Variants in CACNA1C observed in about 807,000 individuals in gnomAD.
CACNA1C encodes calcium voltage-gated channel subunit alpha1 C, also known as voltage-dependent L-type calcium channel subunit alpha-1C.
A neutral mutation model predicts 229.0 loss-of-function variants in CACNA1C; 30 were observed. That is an observed-to-expected ratio of 0.13 (90% CI 0.10 to 0.18). The LOEUF is 0.18. Among genes scored for constraint, CACNA1C ranks in the 10% least tolerant of loss-of-function variants. The pLI is 1.00. For synonymous variants in CACNA1C, 1,114 were observed against 1,132.5 expected, an observed-to-expected ratio of 0.98 and a Z score of 0.33; for missense variants, 1,658 against 2,845.0, an observed-to-expected ratio of 0.58 and a Z score of 9.49.
chr12:2,585,823 G>A lies in CACNA1C; in HGVS notation c.2461-12G>A, dbSNP rs776623260. ...TAACTATTCTTCCCCCTTCTCCCCT[G>A]TGACTGTCTAGATCAACATGGATGA... On this transcript the variant is annotated splice_polypyrimidine_tract_variant and intron_variant, in intron 17 of 46. Transcript: ENST00000399655. This position sits in a 1 kb window ranked among gnomAD's most constrained non-coding sequence, Gnocchi z 4.1. 2.5e-6 allele frequency: 4 copies of A among 1,598,516 alleles called. No homozygotes were observed. The highest frequency in any genetic ancestry group is 3.4e-6 in the Non-Finnish European group (4 of 1,168,766).
At chr12:2,452,389 T>A (rs2099387060) in intron 4 of CACNA1C, among the ~76,000 whole-genome samples, 1 of 152,126 alleles carries the variant, frequency 6.6e-6, no homozygotes, top group Non-Finnish European at 1.5e-5. Flanking sequence ...CGCCAGCCAG[T>A]GAGGCTTTGT....
intron 11 of CACNA1C, among the ~76,000 whole-genome samples, chr12:2,561,628 G>A (rs916945829): frequency 1.2e-4 from 19 of 152,208 alleles, no homozygotes; most frequent in Admixed American, 6.5e-5. Context: ...TGGAGTTTCC[G>A]GTAGCTGGGA....
chr12:2,588,167 G>C (rs997564938), intron 18 of CACNA1C, among the ~76,000 whole-genome samples: 1 of 152,208 alleles, frequency 6.6e-6, no homozygotes, highest in Non-Finnish European at 1.5e-5. Context: ...TGTTGTCTCT[G>C]TTCTGGTCAA....
chr12:2,061,029 TA>T (rs1333702448), intron 1 of CACNA1C, among the ~76,000 whole-genome samples: 1 of 152,126 alleles, frequency 6.6e-6, no homozygotes, highest in Non-Finnish European at 1.5e-5. Flanking sequence ...AGTAAATAGC[TA>T]AAGAATAAAT....
At chr12:2,347,265 G>A (rs1285636391) in intron 3 of CACNA1C, among the ~76,000 whole-genome samples, 1 of 152,198 alleles carries the variant, frequency 6.6e-6, no homozygotes, top group African/African-American at 2.4e-5. Context: ...TGTCAGTGAG[G>A]AATGAACTAA....
At chr12:2,326,464 A>G (rs949684362) in intron 3 of CACNA1C, among the ~76,000 whole-genome samples, 7 of 152,230 alleles carry the variant, frequency 4.6e-5, no homozygotes, top group Non-Finnish European at 8.8e-5. Context: ...CAGAACCTTC[A>G]GCTGGGCCCT....
chr12:2,621,309 C>T (rs2083117445), intron 29 of CACNA1C, among the ~76,000 whole-genome samples: 1 of 152,058 alleles, frequency 6.6e-6, no homozygotes, highest in Admixed American at 6.5e-5. Flanking sequence ...CAGGAAGGCA[C>T]CATTTCTGCT....
At chr12:2,252,392 C>T (rs556984277) in intron 3 of CACNA1C, among the ~76,000 whole-genome samples, 23 of 152,266 alleles carry the variant, frequency 1.5e-4, no homozygotes, top group African/African-American at 4.8e-4. Flanking sequence ...AGCTCTGATA[C>T]GATACACAAA....
chr12:2,030,271 C>A (rs1347386065), intron 1 of CACNA1C, among the ~76,000 whole-genome samples: 1 of 152,136 alleles, frequency 6.6e-6, no homozygotes, highest in African/African-American at 2.4e-5. Context: ...CTTTTTTAAG[C>A]TTGGATCCAA....
chr12:2,102,040 C>T (rs2076612384), intron 1 of CACNA1C, among the ~76,000 whole-genome samples: 1 of 152,210 alleles, frequency 6.6e-6, no homozygotes, highest in Non-Finnish European at 1.5e-5. Flanking sequence ...CTCCAGGCTG[C>T]CCTGGGCTCT....
Position 2,106,781 on chromosome 12 carries a change from G to A in CACNA1C, c.50-8443G>A, listed in dbSNP as rs374255706. On this transcript the variant is annotated intron_variant, in intron 1 of 46. Coordinates refer to ENST00000399655, the MANE Select transcript of CACNA1C (RefSeq NM_000719.7). ...GAGAGGGTTTCCACCTCAGCTGGGCGTCCTGAAGCCACTGGGTGCTCACCC... is the reference window on the plus strand; with the variant it reads ...GAGAGGGTTTCCACCTCAGCTGGGCATCCTGAAGCCACTGGGTGCTCACCC... 3.3e-3 allele frequency among the ~76,000 whole-genome samples: 359 copies of A among 110,422 alleles called. 9 individuals carry two copies. The highest frequency in any genetic ancestry group is 0.013 in the African/African-American group (324 of 25,394). 72.4% of individuals were successfully genotyped at this position (110,422 alleles called of 152,430 possible). A position where few individuals can be genotyped will look rare whatever the true frequency, so the allele number is the denominator to read the frequency against.
intron 13 of CACNA1C, among the ~76,000 whole-genome samples, chr12:2,580,281 C>T (rs540655033): frequency 3.9e-4 from 59 of 152,204 alleles, no homozygotes; most frequent in Non-Finnish European, 6.9e-4. Flanking sequence ...GCCCTCGAGG[C>T]TGCAGGTTGG....
In CACNA1C at chr12:1,980,460, C is replaced by T. The variant is rs1160854389; in HGVS notation, c.139+9259C>T. ...GTTGTTAATTTCTAAGTGTTATTTA[C>T]ATATTCTCAATATAGTGCTGAGTCA... On this transcript the variant is annotated intron_variant, in intron 1 of 46. Transcript: ENST00000682462. 2.0e-5 allele frequency among the ~76,000 whole-genome samples: 3 copies of T among 152,014 alleles called. No individual in the cohort carries two copies. In the East Asian group the frequency reaches 5.8e-4, roughly 29 times the overall value.
intron 9 of CACNA1C, among the ~76,000 whole-genome samples, chr12:2,535,259 G>T (rs1044391184): frequency 3.9e-5 from 6 of 152,048 alleles, no homozygotes; most frequent in Non-Finnish European, 5.9e-5. Context: ...CATGGTGCTG[G>T]GCGCCTATAG....
intron 1 of CACNA1C, among the ~76,000 whole-genome samples, chr12:2,098,515 G>A (rs1391154009): frequency 6.6e-6 from 1 of 152,136 alleles, no homozygotes; most frequent in African/African-American, 2.4e-5. Flanking sequence ...TCCCCATACA[G>A]TGCGATCCCC....
intron 3 of CACNA1C, among the ~76,000 whole-genome samples, chr12:2,375,229 ACT>A (rs1198147841): frequency 6.6e-6 from 1 of 151,948 alleles, no homozygotes; most frequent in African/African-American, 2.4e-5. Flanking sequence ...GATGGTTGAG[ACT>A]CTGCAGAAGA....
At chr12:2,046,113 T>C (rs1265614368) in intron 1 of CACNA1C, among the ~76,000 whole-genome samples, 1 of 152,148 alleles carries the variant, frequency 6.6e-6, no homozygotes, top group African/African-American at 2.4e-5. Context: ...ATTTTCAACT[T>C]CTGGCCTCAA....
At chr12:2,213,102 C>T (rs867163344) in intron 3 of CACNA1C, among the ~76,000 whole-genome samples, 6 of 152,142 alleles carry the variant, frequency 3.9e-5, no homozygotes, top group Admixed American at 6.5e-5. Context: ...GGCTGGGGCC[C>T]GGCTAAATAT....
intron 1 of CACNA1C, among the ~76,000 whole-genome samples, chr12:2,037,695 G>A (rs979709849): frequency 6.6e-6 from 1 of 152,188 alleles, no homozygotes; most frequent in African/African-American, 2.4e-5. Flanking sequence ...CCCACTGGAG[G>A]AACAGCACGA....
Sources: gnomAD v4.1 joint callset for allele counts (sites outside exome capture counted in the v4.1 genomes callset) on GRCh38, gnomAD v4.1.1 for gene constraint, Gnocchi (gnomAD v3.1) non-coding constraint, MANE v1.5 for transcripts, NCBI Gene and HGNC (gene_info 2026-07-23, HGNC 2026-07-21) for gene names.